SHISAL1: variants seen among roughly 807,000 people sequenced by gnomAD.
SHISAL1 encodes protein shisa-like-1.
SHISAL1 carries 9 observed loss-of-function variants against 22.6 expected under a neutral mutation model. The observed-to-expected ratio is 0.40, with a 90% CI of 0.24 to 0.70. The LOEUF (loss-of-function observed/expected upper bound fraction) is 0.70. Ranked by LOEUF, SHISAL1 falls within the 30% of genes least tolerant of loss-of-function variation. The pLI is 0.39. For missense variants in SHISAL1, 246 were observed against 270.6 expected, an observed-to-expected ratio of 0.91 and a Z score of 0.64; for synonymous variants, 119 against 115.4, an observed-to-expected ratio of 1.03 and a Z score of -0.20.
chr22:44,323,368 ACCAT>A, the SHISAL1 span, among the ~76,000 whole-genome samples: 26,677 of 109,412 alleles, frequency 0.24, 3,704 homozygotes, highest in African/African-American at 0.35. Context: ...GCATCCATCC[ACCAT>A]CCATCCATCC....
intron 3 of SHISAL1, among the ~76,000 whole-genome samples, chr22:44,294,586 T>G (rs2055373806): frequency 6.6e-6 from 1 of 152,210 alleles, no homozygotes; most frequent in Admixed American, 6.5e-5. Flanking sequence ...TTCTAAAGAT[T>G]GTTTTAGAGG....
intron 4 of SHISAL1, among the ~76,000 whole-genome samples, chr22:44,283,636 C>T (rs562244279): frequency 1.3e-5 from 2 of 152,308 alleles, no homozygotes; most frequent in African/African-American, 4.8e-5. Flanking sequence ...ATCCTCCATC[C>T]CCTTGGCAAG....
chr22:44,287,060 C>T (rs2055321200), intron 3 of SHISAL1, among the ~76,000 whole-genome samples: 1 of 138,046 alleles, frequency 7.2e-6, no homozygotes, highest in African/African-American at 2.6e-5. Flanking sequence ...CTTTAAGACC[C>T]TGTTTGAGGC....
At position 44,299,865 on chromosome 22, in the gene SHISAL1, CAGACACAG is replaced by C. The variant is rs2055413952; in HGVS notation, c.67+1006_67+1013del. 9.3e-5 allele frequency among the ~76,000 whole-genome samples: 14 copies of C among 150,514 alleles called. No homozygotes were observed. In the South Asian group the frequency reaches 3.0e-3, roughly 32 times the overall value. On this transcript the variant is annotated intron_variant, in intron 2 of 4. Transcript: ENST00000381176. ...ATAGACAGAGACAGAGAGACAGAGA[CAGACACAG>C]AGACACAGAAAGACAGAGACAGAGA...
chr22:44,268,931 G>A (rs1426543517), intron 4 of SHISAL1, among the ~76,000 whole-genome samples: 5 of 151,966 alleles, frequency 3.3e-5, no homozygotes, highest in African/African-American at 4.8e-5. Flanking sequence ...CTTGATCATC[G>A]GCTCTTGGTT....
intron 4 of SHISAL1, among the ~76,000 whole-genome samples, chr22:44,261,589 G>A (rs2055124736): frequency 1.3e-5 from 2 of 152,204 alleles, no homozygotes; most frequent in Non-Finnish European, 2.9e-5. Context: ...CATCCTCACT[G>A]CTGCCCAGTG....
At chr22:44,281,415 A>AGTGTGTGTGTGTGAGTGTGTAT (rs1569216512) in intron 4 of SHISAL1, among the ~76,000 whole-genome samples, 1 of 151,498 alleles carries the variant, frequency 6.6e-6, no homozygotes, top group African/African-American at 2.4e-5. Flanking sequence ...TACTGGTGGA[A>AGTGTGTGTGTGTGAGTGTGTAT]GTGTGTGTGT....
At chr22:44,254,257 C>A (rs2055069389) in intron 4 of SHISAL1, among the ~76,000 whole-genome samples, 1 of 151,564 alleles carries the variant, frequency 6.6e-6, no homozygotes, top group Admixed American at 6.6e-5. Flanking sequence ...CAAAATAAAC[C>A]TAAGAAAGAC....
upstream of SHISAL1, among the ~76,000 whole-genome samples, chr22:44,317,626 T>TGCTC (rs1163741411): frequency 5.9e-5 from 9 of 152,326 alleles, no homozygotes; most frequent in East Asian, 1.7e-3. Flanking sequence ...TTTGCTGCCT[T>TGCTC]GCTCTGTGGG....
At chr22:44,294,390 C>T (rs1295328919) in intron 3 of SHISAL1, among the ~76,000 whole-genome samples, 2 of 152,166 alleles carry the variant, frequency 1.3e-5, no homozygotes, top group Admixed American at 1.3e-4. Flanking sequence ...CCCTTCAGCC[C>T]CAACATCAGA....
chr22:44,267,231 C>T (rs2055170537), intron 4 of SHISAL1, among the ~76,000 whole-genome samples: 1 of 152,140 alleles, frequency 6.6e-6, no homozygotes, highest in Non-Finnish European at 1.5e-5. Flanking sequence ...CTTCCTGCCA[C>T]AGGTGGGAGC....
intron 4 of SHISAL1, among the ~76,000 whole-genome samples, chr22:44,268,344 CAA>C (rs779737337): frequency 6.6e-6 from 1 of 152,198 alleles, no homozygotes; most frequent in Non-Finnish European, 1.5e-5. Context: ...ATGAATTTTT[CAA>C]AGCGTTTTTC....
At chr22:44,317,671 A>G (rs574586037), upstream of SHISAL1, among the ~76,000 whole-genome samples, 2 of 152,260 alleles carry the variant, frequency 1.3e-5, no homozygotes, top group South Asian at 4.1e-4. Context: ...CAGGAAGAAT[A>G]AACCACTGGA....
At chr22:44,321,231 C>T in the SHISAL1 span, among the ~76,000 whole-genome samples, 4 of 152,178 alleles carry the variant, frequency 2.6e-5, no homozygotes, top group Non-Finnish European at 4.4e-5. Context: ...AACCCACCTG[C>T]GACGAGAGTC....
In SHISAL1 at chr22:44,248,752, G is replaced by A. The variant is rs1289768685; in HGVS notation, c.*933C>T. ...GATCAGCGCTCCAGGCGGTGATGGT[G>A]GAGGCATCAAGGAGATGCTCCCAGC... is the stretch of plus-strand genomic sequence containing the variant. On this transcript the variant is annotated 3_prime_UTR_variant, in exon 5 of 5. Coordinates refer to ENST00000381176, the MANE Select transcript of SHISAL1 (RefSeq NM_001099294.2). The A allele has an allele frequency of 6.6e-6, 1 of 152,214 alleles. No homozygotes were observed. The highest frequency in any genetic ancestry group is 6.5e-5 in the Admixed American group (1 of 15,284). 9.4% of individuals were successfully genotyped at this position (152,214 alleles called of 1,614,324 possible). A position where few individuals can be genotyped will look rare whatever the true frequency, so the allele number is the denominator to read the frequency against.
rs111635133 is a variant in SHISAL1, at chr22:44,274,333, T to C, written c.599+11095A>G. Among the ~76,000 whole-genome samples the C allele has an allele frequency of 4.3e-3, 662 of 152,210 alleles. 3 individuals are homozygous for C. The highest frequency in any genetic ancestry group is 0.015 in the African/African-American group (627 of 41,526). ...CCAGTGCCCTCAAAAGCTGCCTCACTGCACCAGCCCTTTGGGAATGAGGCT... is the reference window on the plus strand; with the variant it reads ...CCAGTGCCCTCAAAAGCTGCCTCACCGCACCAGCCCTTTGGGAATGAGGCT... On this transcript the variant is annotated intron_variant, in intron 4 of 4. Coordinates refer to ENST00000381176, the MANE Select transcript of SHISAL1 (RefSeq NM_001099294.2).
At chr22:44,289,382 C>T (rs1271374916) in intron 3 of SHISAL1, among the ~76,000 whole-genome samples, 2 of 152,200 alleles carry the variant, frequency 1.3e-5, no homozygotes, top group Non-Finnish European at 2.9e-5. Flanking sequence ...GCCTGCTTGT[C>T]CCGGCCCACC....
chr22:44,311,040 T>C (rs2055514305), intron 1 of SHISAL1, among the ~76,000 whole-genome samples: 1 of 152,226 alleles, frequency 6.6e-6, no homozygotes, highest in Non-Finnish European at 1.5e-5. Context: ...CTCCTTCAAC[T>C]GAGACATGGC....
At chr22:44,264,767 G>A (rs545379954) in intron 4 of SHISAL1, among the ~76,000 whole-genome samples, 1 of 151,694 alleles carries the variant, frequency 6.6e-6, no homozygotes, top group African/African-American at 2.4e-5. Flanking sequence ...CTTGGACGAG[G>A]TCCCCAACAC....
Sources: allele counts gnomAD v4.1 joint callset (sites outside exome capture counted in the v4.1 genomes callset), GRCh38; gene constraint gnomAD v4.1.1; transcripts MANE v1.5; gene names NCBI Gene and HGNC (gene_info 2026-07-23, HGNC 2026-07-21).